ATAD2B: variants seen among roughly 807,000 people sequenced by gnomAD.
The protein encoded by ATAD2B is ATPase family AAA domain-containing protein 2B.
In ATAD2B, 40 loss-of-function variants were observed where a neutral mutation model predicts 167.6. That is an observed-to-expected ratio of 0.24 (90% CI 0.19 to 0.31). The LOEUF (loss-of-function observed/expected upper bound fraction) is 0.31. Among genes scored for constraint, ATAD2B ranks in the 10% least tolerant of loss-of-function variants. The pLI is 1.00. For missense variants in ATAD2B, 1,242 were observed against 1,757.2 expected, an observed-to-expected ratio of 0.71 and a Z score of 5.24; for synonymous variants, 579 against 596.5, an observed-to-expected ratio of 0.97 and a Z score of 0.43.
At chr2:23,855,027 T>C (rs572187119) in intron 13 of ATAD2B, among the ~76,000 whole-genome samples, 2 of 152,020 alleles carry the variant, frequency 1.3e-5, no homozygotes, top group Non-Finnish European at 2.9e-5. Context: ...AAACCCTGTC[T>C]CTACTAAAAA....
the ATAD2B span, among the ~76,000 whole-genome samples, chr2:23,727,592 C>A: frequency 3.3e-5 from 5 of 151,890 alleles, no homozygotes; most frequent in East Asian, 5.8e-4. Context: ...GAAAACATGC[C>A]CACAAAAAAA....
At chr2:23,835,158 T>C (rs1358717872) in intron 13 of ATAD2B, among the ~76,000 whole-genome samples, 1 of 152,304 alleles carries the variant, frequency 6.6e-6, no homozygotes, top group African/African-American at 2.4e-5. Flanking sequence ...GCAGTTCCTC[T>C]GTTAAACGTA....
chr2:23,840,627 T>G (rs904449360), intron 13 of ATAD2B, among the ~76,000 whole-genome samples: 1 of 152,236 alleles, frequency 6.6e-6, no homozygotes. Flanking sequence ...TTAAGGCACA[T>G]TATATGATCA....
At chr2:23,697,547 T>TA in the ATAD2B span, 1 of 152,220 alleles carries the variant, frequency 6.6e-6, no homozygotes, top group Admixed American at 6.6e-5. Context: ...AAGCCACACA[T>TA]ACCCCTCAAT....
intron 8 of ATAD2B, chr2:23,872,334 C>T: frequency 1.7e-6 from 1 of 591,762 alleles, no homozygotes; most frequent in Admixed American, 1.9e-5. Context: ...ACCTGATGGT[C>T]TTCAAGTTCT....
At chr2:23,884,902 C>T (rs1698452282) in intron 5 of ATAD2B, 29 bp from the exon 6 acceptor site, 3 of 1,393,294 alleles carry the variant, frequency 2.2e-6, no homozygotes, top group Non-Finnish European at 2.9e-6. Context: ...TGTCAAATAG[C>T]AACATGACAT....
At chr2:23,859,210 A>G (rs758166251) in intron 12 of ATAD2B, among the ~76,000 whole-genome samples, 2 of 152,190 alleles carry the variant, frequency 1.3e-5, no homozygotes, top group Admixed American at 6.5e-5. Context: ...TATATCCATA[A>G]AAGTCATTTA....
chr2:23,819,923 CATTTAAT>C lies in ATAD2B; in HGVS notation c.2132-48_2132-42del, dbSNP rs758273078. On this transcript the variant is annotated intron_variant, in intron 16 of 27. Coordinates refer to ENST00000238789, the MANE Select transcript of ATAD2B (RefSeq NM_017552.4). ...ACAATGGTTATGGGGCTTATAAAGTCATTTAATATTCGTGCCCTACCAAAGCTAAGAA... is the reference window on the plus strand; with the variant it reads ...ACAATGGTTATGGGGCTTATAAAGTCATTCGTGCCCTACCAAAGCTAAGAA... The C allele has an allele frequency of 2.8e-6, 4 of 1,431,590 alleles. No homozygotes were observed. In the African/African-American group the frequency reaches 5.8e-5, roughly 21 times the overall value. The allele number at this position is 1,431,590 out of a possible 1,614,324, so 88.7% of individuals were successfully genotyped here. A position where few individuals can be genotyped will look rare whatever the true frequency, so the allele number is the denominator to read the frequency against.
rs115076100 is a variant in ATAD2B at position 23,823,858 on chromosome 2, C to G, written c.1820-289G>C. ...AACAAGCTATGTATCTTAAATATGT[C>G]CTTGATATGAGCTTTAAAACAAAAG... is the stretch of plus-strand genomic sequence containing the variant. On this transcript the variant is annotated intron_variant, in intron 15 of 27. Transcript: ENST00000238789. 3.5e-4 allele frequency among the ~76,000 whole-genome samples: 53 copies of G among 151,704 alleles called. 1 individual carries two copies. The East Asian group carries it at 9.3e-3, about 27-fold the overall frequency.
intron 15 of ATAD2B, among the ~76,000 whole-genome samples, chr2:23,828,083 T>A (rs1688510233): frequency 6.6e-6 from 1 of 152,048 alleles, no homozygotes; most frequent in Non-Finnish European, 1.5e-5. Flanking sequence ...TTTTTTTTTT[T>A]TTATTTATAT....
At chr2:23,870,190 G>A (rs1403013245) in intron 8 of ATAD2B, among the ~76,000 whole-genome samples, 2 of 139,818 alleles carry the variant, frequency 1.4e-5, no homozygotes, top group Admixed American at 7.7e-5. Context: ...CTGGGTGACA[G>A]AGCAAGACTC....
intron 11 of ATAD2B, among the ~76,000 whole-genome samples, chr2:23,864,271 C>T (rs1300952875): frequency 1.3e-5 from 2 of 152,130 alleles, no homozygotes; most frequent in African/African-American, 2.4e-5. Context: ...TCCCAAAGTA[C>T]TGGGATTACA....
intron 21 of ATAD2B, among the ~76,000 whole-genome samples, chr2:23,785,105 G>T (rs188044193): frequency 2.2e-4 from 34 of 151,954 alleles, no homozygotes; most frequent in Admixed American, 1.8e-3. Context: ...GACTTGCCAG[G>T]GGGGAGGAAT....
intron 1 of ATAD2B, among the ~76,000 whole-genome samples, chr2:23,906,747 C>T: frequency 6.6e-6 from 1 of 151,750 alleles, no homozygotes; most frequent in Non-Finnish European, 1.5e-5. Flanking sequence ...AATCCAGCAG[C>T]ACATCAAAAA....
At chr2:23,699,031 C>T in the ATAD2B span, among the ~76,000 whole-genome samples, 1 of 152,240 alleles carries the variant, frequency 6.6e-6, no homozygotes, top group Admixed American at 6.5e-5. Context: ...AAGACACTTA[C>T]TCCATTGCAT....
the ATAD2B span, among the ~76,000 whole-genome samples, chr2:23,720,505 CAGAGGTTGCAAGATCTCTATAAGAGAT>C: frequency 4.9e-5 from 2 of 41,164 alleles, no homozygotes; most frequent in Non-Finnish European, 1.1e-4. Flanking sequence ...ACCCAGGAGA[CAGAGGTTGCAAGATCTCTATAAGAGAT>C]TGCGCCACTG....
At chr2:23,695,904 G>A in the ATAD2B span, 31 of 1,539,032 alleles carry the variant, frequency 2.0e-5, no homozygotes, top group East Asian at 2.5e-5. The surrounding 1 kb of genome is among the most constrained non-coding windows in gnomAD (Gnocchi z 7.6). Context: ...CACAGATGCC[G>A]ACAGTCTTAG....
chr2:23,695,772 C>A, the ATAD2B span: 4 of 1,551,124 alleles, frequency 2.6e-6, no homozygotes, highest in Admixed American at 5.9e-5. The surrounding 1 kb of genome is among the most constrained non-coding windows in gnomAD (Gnocchi z 7.6). Flanking sequence ...TGCTGCCCCA[C>A]GCCCGCCAGG....
chr2:23,796,842 T>G (rs1217660221), intron 19 of ATAD2B, among the ~76,000 whole-genome samples: 1 of 152,152 alleles, frequency 6.6e-6, no homozygotes, highest in Non-Finnish European at 1.5e-5. Context: ...ATCCACATGT[T>G]ATAGATGAAA....
Sources: gnomAD v4.1 joint callset for allele counts (sites outside exome capture counted in the v4.1 genomes callset) on GRCh38, gnomAD v4.1.1 for gene constraint, Gnocchi (gnomAD v3.1) non-coding constraint, MANE v1.5 for transcripts, NCBI Gene and HGNC (gene_info 2026-07-23, HGNC 2026-07-21) for gene names.